Variants in MITF observed in about 807,000 individuals in gnomAD.
The protein encoded by MITF is microphthalmia-associated transcription factor.
In MITF, 17 loss-of-function variants were observed where a neutral mutation model predicts 60.5. That is an observed-to-expected ratio of 0.28 (90% CI 0.19 to 0.42). The LOEUF (loss-of-function observed/expected upper bound fraction) is 0.42. MITF is among the 10% of genes least tolerant of loss of function. The pLI, the probability that MITF is intolerant of heterozygous loss-of-function variation, is 1.00. For synonymous variants in MITF, 260 were observed against 248.5 expected (o/e 1.05, Z -0.43); for missense variants, 622 against 683.5 (o/e 0.91, Z 1.00).
chr3:69,800,599 C>A (rs977879343), intron 1 of MITF, among the ~76,000 whole-genome samples: 2 of 152,064 alleles, frequency 1.3e-5, no homozygotes, highest in Non-Finnish European at 2.9e-5. Context: ...GCCAGTTTTT[C>A]CACATCTTTG....
At chr3:69,863,364 G>A (rs1024379885) in intron 1 of MITF, among the ~76,000 whole-genome samples, 3 of 152,282 alleles carry the variant, frequency 2.0e-5, no homozygotes, top group East Asian at 3.9e-4. Context: ...ATCCAAGAAG[G>A]TTCCCTTAGA....
intron 8 of MITF, 45 bp downstream of exon 8, chr3:69,956,575 C>T (rs775999305): frequency 2.0e-6 from 3 of 1,497,098 alleles, no homozygotes; most frequent in Admixed American, 1.7e-5. Flanking sequence ...TTTTTCGTAC[C>T]TGAATGTTTT....
At chr3:69,753,698 G>A (rs775185797) in intron 1 of MITF, among the ~76,000 whole-genome samples, 2 of 152,230 alleles carry the variant, frequency 1.3e-5, no homozygotes, top group Non-Finnish European at 2.9e-5. Context: ...TTATTTTGGA[G>A]CTTTAAGACT....
intron 5 of MITF, 45 bp from the exon 6 acceptor site, chr3:69,949,006 G>A (rs780071500): frequency 6.6e-6 from 9 of 1,365,100 alleles, no homozygotes; most frequent in Non-Finnish European, 8.4e-6. Context: ...AAAAACATGG[G>A]AATTGTTCAA....
intron 1 of MITF, among the ~76,000 whole-genome samples, chr3:69,855,076 C>A (rs2063892142): frequency 6.6e-6 from 1 of 151,828 alleles, no homozygotes; most frequent in African/African-American, 2.4e-5. Context: ...ATGTTGTAAG[C>A]ATGTTATCAG....
chr3:69,930,068 A>G (rs9917631), intron 2 of MITF, among the ~76,000 whole-genome samples: 9,108 of 152,190 alleles, frequency 0.06, 672 homozygotes, highest in African/African-American at 0.17. Flanking sequence ...CAACTGTGAA[A>G]ATGCAGAAGA....
chr3:69,866,287 A>C (rs1257239268), intron 1 of MITF: 3 of 1,613,640 alleles, frequency 1.9e-6, no homozygotes, highest in Non-Finnish European at 2.5e-6. Context: ...TTAAAGGAAA[A>C]AAGATGGAGG....
chr3:69,783,897 A>G lies in MITF; in HGVS notation c.104+44196A>G, dbSNP rs113340968. On this transcript the variant is annotated intron_variant, in intron 1 of 9. Transcript: ENST00000352241. ...GCTTCTTTGTGATTTTTGTCCCACTATAGTTTGAGAACCATGGTCTGAAAT... is the reference window on the plus strand; with the variant it reads ...GCTTCTTTGTGATTTTTGTCCCACTGTAGTTTGAGAACCATGGTCTGAAAT... 6.3e-3 allele frequency among the ~76,000 whole-genome samples: 963 copies of G among 152,302 alleles called. 10 individuals carry two copies. The highest frequency in any genetic ancestry group is 0.021 in the African/African-American group (884 of 41,564).
At chr3:69,879,675 C>G (rs143379634) in intron 2 of MITF, among the ~76,000 whole-genome samples, 2 of 152,152 alleles carry the variant, frequency 1.3e-5, no homozygotes, top group African/African-American at 4.8e-5. Flanking sequence ...AGTTTCAAAA[C>G]CAGAATTATC....
chr3:69,882,125 T>C (rs1052143352), intron 2 of MITF, among the ~76,000 whole-genome samples: 1 of 152,160 alleles, frequency 6.6e-6, no homozygotes, highest in Admixed American at 6.6e-5. Flanking sequence ...ATCCCTTTTT[T>C]TGGCAGAGTA....
In MITF at chr3:69,965,472, T is replaced by C; in HGVS notation, c.*224T>C. On this transcript the variant is annotated 3_prime_UTR_variant, in exon 10 of 10. Coordinates refer to ENST00000352241, the MANE Select transcript of MITF (RefSeq NM_001354604.2). ...GCCTCCAAAGTATTGTACAAATAAG[T>C]GTGCAGTATCTGTGAACTGAATTCA... The C allele has an allele frequency of 2.0e-6, 1 of 489,748 alleles. No homozygotes were observed. The allele number at this position is 489,748 out of a possible 1,614,324, so 30.3% of individuals were successfully genotyped here.
At chr3:69,780,181 G>A (rs1033889252) in intron 1 of MITF, among the ~76,000 whole-genome samples, 3 of 152,142 alleles carry the variant, frequency 2.0e-5, no homozygotes, top group East Asian at 1.9e-4. Flanking sequence ...AATGGGCCAC[G>A]TGGAAACGAT....
intron 2 of MITF, among the ~76,000 whole-genome samples, chr3:69,889,977 G>A (rs189248187): frequency 5.9e-5 from 9 of 152,068 alleles, no homozygotes; most frequent in Admixed American, 1.3e-4. Context: ...CTGCTCTACT[G>A]TTGGTAATAA....
chr3:69,816,324 T>C (rs1412643432), intron 1 of MITF, among the ~76,000 whole-genome samples: 1 of 152,228 alleles, frequency 6.6e-6, no homozygotes, highest in Non-Finnish European at 1.5e-5. Flanking sequence ...TCCTCTGTGC[T>C]GCTCAGGTTC....
At chr3:69,861,653 A>G (rs1170028546) in intron 1 of MITF, among the ~76,000 whole-genome samples, 1 of 152,152 alleles carries the variant, frequency 6.6e-6, no homozygotes, top group African/African-American at 2.4e-5. Context: ...GTTTCTCTGG[A>G]GTGAACGCCT....
At chr3:69,850,986 A>G (rs1544978) in intron 1 of MITF, among the ~76,000 whole-genome samples, 48,016 of 151,986 alleles carry the variant, frequency 0.32, 8,957 homozygotes, top group Non-Finnish European at 0.42. Flanking sequence ...TAGGTCAGAT[A>G]AAAGGCAGAG....
intron 1 of MITF, among the ~76,000 whole-genome samples, chr3:69,795,035 T>A (rs2062806042): frequency 1.3e-5 from 2 of 152,180 alleles, no homozygotes; most frequent in Admixed American, 1.3e-4. Flanking sequence ...CTTTCCTAGG[T>A]GAGGATATGA....
intron 1 of MITF, among the ~76,000 whole-genome samples, chr3:69,875,526 T>C (rs1243932279): frequency 1.3e-5 from 2 of 152,196 alleles, no homozygotes; most frequent in Admixed American, 6.5e-5. Context: ...CTCATGGAAT[T>C]AGGATTATCT....
chr3:69,935,490 A>G (rs779776665), intron 2 of MITF, among the ~76,000 whole-genome samples: 2 of 152,114 alleles, frequency 1.3e-5, no homozygotes, highest in Admixed American at 1.3e-4. Context: ...AGTAATGTCT[A>G]CTGTCATCAT....
Sources: gnomAD v4.1 joint callset for allele counts (sites outside exome capture counted in the v4.1 genomes callset) on GRCh38, gnomAD v4.1.1 for gene constraint, MANE v1.5 for transcripts, NCBI Gene and HGNC (gene_info 2026-07-23, HGNC 2026-07-21) for gene names.